The following TMEM132B variants were observed in gnomAD, a reference collection of about 807,000 sequenced individuals.
TMEM132B encodes transmembrane protein 132B.
A neutral mutation model predicts 90.8 loss-of-function variants in TMEM132B; 18 were observed. That is an observed-to-expected ratio of 0.20 (90% CI 0.14 to 0.29). TMEM132B has a LOEUF of 0.29. TMEM132B is among the 10% of genes least tolerant of loss of function. The probability of loss-of-function intolerance (pLI) is 1.00; values close to 1 mark genes in which losing one functional copy is unlikely to be tolerated. For synonymous variants in TMEM132B, 504 were observed against 523.3 expected, an observed-to-expected ratio of 0.96 and a Z score of 0.50; for missense variants, 1,096 against 1,326.8, an observed-to-expected ratio of 0.83 and a Z score of 2.70.
At chr12:125,412,930 T>C (rs2136354674) in intron 2 of TMEM132B, among the ~76,000 whole-genome samples, 1 of 152,150 alleles carries the variant, frequency 6.6e-6, no homozygotes, top group African/African-American at 2.4e-5. Context: ...GGAAGAATGA[T>C]CAAGTCAAGG....
At chr12:125,291,398 C>T (rs1210959727) in intron 1 of TMEM132B, among the ~76,000 whole-genome samples, 1 of 152,156 alleles carries the variant, frequency 6.6e-6, no homozygotes, top group East Asian at 1.9e-4. Flanking sequence ...CACTGGAGCT[C>T]TTTAGATGAA....
At chr12:125,298,270 C>T (rs12824974) in intron 1 of TMEM132B, among the ~76,000 whole-genome samples, 36,720 of 151,348 alleles carry the variant, frequency 0.24, 4,761 homozygotes, top group Non-Finnish European at 0.28. Context: ...CAAAACAAAA[C>T]AAAATGAAAA....
chr12:125,575,899 A>G (rs1884930919), intron 4 of TMEM132B, among the ~76,000 whole-genome samples: 1 of 152,094 alleles, frequency 6.6e-6, no homozygotes, highest in African/African-American at 2.4e-5. Flanking sequence ...CTGGAAAGTC[A>G]ATTCTAATCA....
chr12:125,559,996 C>A (rs1355144473), intron 4 of TMEM132B, among the ~76,000 whole-genome samples: 1 of 152,190 alleles, frequency 6.6e-6, no homozygotes, highest in Non-Finnish European at 1.5e-5. Context: ...GCGCTGCCAG[C>A]CTCTCTGGGC....
At chr12:125,575,118 T>A (rs1288156676) in intron 4 of TMEM132B, among the ~76,000 whole-genome samples, 2 of 121,984 alleles carry the variant, frequency 1.6e-5, no homozygotes, top group African/African-American at 2.8e-5. Flanking sequence ...ATGGTAATTC[T>A]CTGTTTAACC....
rs12313016 is a variant in TMEM132B at position 125,423,637 on chromosome 12, A to G, written c.1106+7960A>G. 5.7e-3 allele frequency among the ~76,000 whole-genome samples: 870 copies of G among 152,336 alleles called. 9 individuals carry two copies. Among genetic ancestry groups the G allele is most frequent in the African/African-American group, 0.02 (842 of 41,574 alleles). The stretch of plus-strand genomic sequence containing the variant: ...GTATAACAAAAGGCTTCTTACTTCA[A>G]AAGTAATAGATGATTCAATTGTAGA... On this transcript the variant is annotated intron_variant, in intron 3 of 8. Coordinates refer to ENST00000682704, the MANE Select transcript of TMEM132B (RefSeq NM_001366854.1).
In TMEM132B at chr12:125,654,061, G is replaced by A; in HGVS notation, c.2603G>A (p.Ser868Asn). The A allele has an allele frequency of 6.2e-7, 1 of 1,614,182 alleles. No homozygotes were observed. ...PMEGKNKLLK[S>N]GGPDAFTSFP... ...GAAGGGAAGAATAAGTTACTCAAAA[G>A]TGGTGGTCCAGATGCCTTTACAAGC... The change falls in exon 9 of 9, where the codon AGT becomes AAT. Residue 868 changes from serine to asparagine, a missense_variant. Ser to Asn is a conservative substitution (Grantham distance 46). Transcript: ENST00000682704. The surrounding 1 kb of genome is among the most constrained non-coding windows in gnomAD (Gnocchi z 5.8).
chr12:125,447,623 A>G (rs761386371), intron 3 of TMEM132B, among the ~76,000 whole-genome samples: 1 of 151,990 alleles, frequency 6.6e-6, no homozygotes, highest in Non-Finnish European at 1.5e-5. Context: ...TTCTTCCTAC[A>G]TCTCTAATCA....
chr12:125,630,538 G>C (rs977438767), intron 5 of TMEM132B, among the ~76,000 whole-genome samples: 4 of 151,476 alleles, frequency 2.6e-5, no homozygotes, highest in African/African-American at 9.7e-5. Flanking sequence ...TTTTTTCTTA[G>C]TTATTCTAGC....
intron 4 of TMEM132B, among the ~76,000 whole-genome samples, chr12:125,530,399 G>T (rs745708915): frequency 6.3e-4 from 96 of 152,196 alleles, no homozygotes; most frequent in Non-Finnish European, 1.0e-3. Context: ...TGGGAAGTGG[G>T]TTTTACATCA....
chr12:125,523,121 A>T (rs1168611300), intron 4 of TMEM132B, among the ~76,000 whole-genome samples: 1 of 152,230 alleles, frequency 6.6e-6, no homozygotes, highest in Admixed American at 6.5e-5. Flanking sequence ...TCCATTGGCT[A>T]GAGAGCTCTT....
chr12:125,214,259 A>T (rs1482902889), intron 1 of TMEM132B, among the ~76,000 whole-genome samples: 1 of 152,182 alleles, frequency 6.6e-6, no homozygotes, highest in African/African-American at 2.4e-5. Flanking sequence ...CCAGGGCCTT[A>T]ATTGCCATCA....
intron 2 of TMEM132B, among the ~76,000 whole-genome samples, chr12:125,396,175 C>T (rs1879163471): frequency 6.6e-6 from 1 of 152,174 alleles, no homozygotes; most frequent in Non-Finnish European, 1.5e-5. Flanking sequence ...GGAGTAGGGG[C>T]TGGATGCTGG....
intron 1 of TMEM132B, among the ~76,000 whole-genome samples, chr12:125,298,890 C>T (rs12315696): frequency 0.32 from 47,600 of 150,862 alleles, 7,785 homozygotes; most frequent in East Asian, 0.54. Context: ...CCCGCCACCA[C>T]GCACGGCTAA....
In TMEM132B at chr12:125,430,260, G is replaced by T. The variant is rs568417612; in HGVS notation, c.1106+14583G>T. Among the ~76,000 whole-genome samples, 4 of 152,318 alleles carry T rather than the reference G, an allele frequency of 2.6e-5. No individual in the cohort carries two copies. In the East Asian group the frequency reaches 7.7e-4, roughly 29 times the overall value. On this transcript the variant is annotated intron_variant, in intron 3 of 8. Coordinates refer to ENST00000682704, the MANE Select transcript of TMEM132B (RefSeq NM_001366854.1). ...TTGGACCGTAGCTGTGGGGTTGTCG[G>T]GTGAGCGCACTGGCCGGGGCTGTCT... is the stretch of plus-strand genomic sequence containing the variant.
rs115654587 is a variant in TMEM132B at position 125,456,244 on chromosome 12, C to G, written c.1106+40567C>G. On this transcript the variant is annotated intron_variant, in intron 3 of 8. Coordinates refer to ENST00000682704, the MANE Select transcript of TMEM132B (RefSeq NM_001366854.1). ...CACCCCCGAGCCTATTTGACTGACA[C>G]AAGGTGAAAAGGAGCCAACTGTGCT... 4.6e-3 allele frequency among the ~76,000 whole-genome samples: 706 copies of G among 152,304 alleles called. 7 individuals carry two copies. The highest frequency in any genetic ancestry group is 0.015 in the African/African-American group (632 of 41,556).
intron 3 of TMEM132B, among the ~76,000 whole-genome samples, chr12:125,430,542 C>A (rs564543666): frequency 6.6e-6 from 1 of 152,084 alleles, no homozygotes; most frequent in Non-Finnish European, 1.5e-5. Flanking sequence ...GCAAAGGCTC[C>A]CAGGGAAGGT....
At chr12:125,326,523 T>TGCCAAACATGG in intron 1 of TMEM132B, 2 of 1,342,812 alleles carry the variant, frequency 1.5e-6, no homozygotes, top group Admixed American at 4.0e-5. Context: ...AAACATCGGC[T>TGCCAAACATGG]TAATGCTGTT....
At chr12:125,556,688 T>C (rs905589966) in intron 4 of TMEM132B, among the ~76,000 whole-genome samples, 2 of 152,232 alleles carry the variant, frequency 1.3e-5, no homozygotes, top group Non-Finnish European at 2.9e-5. Context: ...TTTGAGGTTT[T>C]CTTGGCCTTT....
Sources: allele counts gnomAD v4.1 joint callset (sites outside exome capture counted in the v4.1 genomes callset), GRCh38; gene constraint gnomAD v4.1.1; non-coding constraint Gnocchi (gnomAD v3.1); transcripts MANE v1.5; gene names NCBI Gene and HGNC (gene_info 2026-07-23, HGNC 2026-07-21).